Variants in C12orf54 observed in about 807,000 individuals in gnomAD.
C12orf54 encodes the protein chromosome 12 open reading frame 54.
A neutral mutation model predicts 26.4 loss-of-function variants in C12orf54; 24 were observed. The ratio of observed to expected loss-of-function variants is 0.91; its 90% confidence interval spans 0.66 to 1.28. The LOEUF (loss-of-function observed/expected upper bound fraction) is 1.28, where lower values mean the gene tolerates loss of function less well. Among genes scored for constraint, C12orf54 ranks in the 50% most tolerant of loss-of-function variants. The pLI is 0.00. For synonymous variants in C12orf54, 54 were observed against 47.0 expected, an observed-to-expected ratio of 1.15 and a Z score of -0.61; for missense variants, 154 against 150.9, an observed-to-expected ratio of 1.02 and a Z score of -0.11.
At chr12:48,460,214 G>T in the C12orf54 span, among the ~76,000 whole-genome samples, 1 of 151,406 alleles carries the variant, frequency 6.6e-6, no homozygotes, top group Non-Finnish European at 1.5e-5. Context: ...GATTTTGGGG[G>T]TCATACAGCC....
the C12orf54 span, among the ~76,000 whole-genome samples, chr12:48,437,151 A>C: frequency 6.6e-6 from 1 of 152,366 alleles, no homozygotes; most frequent in South Asian, 2.1e-4. Context: ...GAAAATCTAG[A>C]AGAAATGGAT....
the C12orf54 span, among the ~76,000 whole-genome samples, chr12:48,424,451 G>T: frequency 2.0e-5 from 3 of 151,946 alleles, no homozygotes; most frequent in Non-Finnish European, 4.4e-5. Flanking sequence ...TTCACCACAA[G>T]GCCATCCGGA....
chr12:48,480,832 T>C (rs1300540567), upstream of C12orf54, among the ~76,000 whole-genome samples: 2 of 152,126 alleles, frequency 1.3e-5, no homozygotes, highest in Non-Finnish European at 2.9e-5. Context: ...ATGGATGGGA[T>C]AAAGTGTGGT....
chr12:48,484,338 G>T lies in C12orf54; in HGVS notation c.65+977G>T, dbSNP rs1032719183. ...TGAATCTGGAGGAAGTTGGGAATCTGCTCTATCTAAGAGTATGAATTCTCT... is the reference window on the plus strand; with the variant it reads ...TGAATCTGGAGGAAGTTGGGAATCTTCTCTATCTAAGAGTATGAATTCTCT... On this transcript the variant is annotated intron_variant, in intron 2 of 8. Transcript: ENST00000548364. Among the ~76,000 whole-genome samples, 4 of 152,196 alleles carry T rather than the reference G, an allele frequency of 2.6e-5. No homozygotes were observed. In the East Asian group the frequency reaches 7.7e-4, roughly 29 times the overall value.
chr12:48,449,662 A>T, the C12orf54 span, among the ~76,000 whole-genome samples: 2 of 152,216 alleles, frequency 1.3e-5, no homozygotes, highest in East Asian at 3.8e-4. Context: ...AATAAATAAG[A>T]GTTGAATTTA....
chr12:48,424,229 A>G, the C12orf54 span, among the ~76,000 whole-genome samples: 2 of 152,072 alleles, frequency 1.3e-5, no homozygotes, highest in Admixed American at 6.6e-5. Context: ...TGATTTAAAT[A>G]TTGCTGGATT....
the C12orf54 span, among the ~76,000 whole-genome samples, chr12:48,431,715 A>G: frequency 6.6e-6 from 1 of 152,210 alleles, no homozygotes; most frequent in East Asian, 1.9e-4. Context: ...AAATACAAAG[A>G]TGAATGAAAG....
the C12orf54 span, among the ~76,000 whole-genome samples, chr12:48,437,061 A>G: frequency 6.6e-6 from 1 of 152,132 alleles, no homozygotes; most frequent in East Asian, 1.9e-4. Context: ...AAAAATGACA[A>G]AGGGGATATC....
At chr12:48,414,835 C>G in the C12orf54 span, among the ~76,000 whole-genome samples, 1 of 152,168 alleles carries the variant, frequency 6.6e-6, no homozygotes, top group African/African-American at 2.4e-5. Flanking sequence ...TAGCCAGGGA[C>G]CAGCGTGGGG....
the C12orf54 span, among the ~76,000 whole-genome samples, chr12:48,423,140 T>C: frequency 5.9e-5 from 9 of 152,156 alleles, no homozygotes; most frequent in African/African-American, 1.7e-4. Context: ...TTCTGAGTTG[T>C]TTTTGTTTTA....
chr12:48,458,660 C>T, the C12orf54 span, among the ~76,000 whole-genome samples: 4 of 152,006 alleles, frequency 2.6e-5, no homozygotes, highest in African/African-American at 9.7e-5. Context: ...TTAGTGTTAC[C>T]ATCAACATCA....
chr12:48,429,604 A>T, the C12orf54 span, among the ~76,000 whole-genome samples: 2 of 152,150 alleles, frequency 1.3e-5, no homozygotes, highest in Admixed American at 1.3e-4. Context: ...AATATACCTA[A>T]CCAAGAAGGT....
chr12:48,464,537 C>T, the C12orf54 span, among the ~76,000 whole-genome samples: 1 of 152,072 alleles, frequency 6.6e-6, no homozygotes, highest in Non-Finnish European at 1.5e-5. Context: ...ATTAAACTTC[C>T]AATGACATTC....
rs967592191 is a variant in C12orf54 at position 48,492,935 on chromosome 12, T to C, written c.194-12T>C. 4 of 1,613,204 alleles carry C rather than the reference T, an allele frequency of 2.5e-6. No homozygotes were observed. In the African/African-American group the frequency reaches 5.3e-5, roughly 22 times the overall value. ...CCTGTAACAGAATGACTCTTCTCTG[T>C]GTCCACTTTAGGGATGAGCAACTGC... On this transcript the variant is annotated splice_polypyrimidine_tract_variant and intron_variant, in intron 6 of 8. Transcript: ENST00000548364.
the C12orf54 span, among the ~76,000 whole-genome samples, chr12:48,429,148 G>A: frequency 0.017 from 2,655 of 152,070 alleles, 88 homozygotes; most frequent in African/African-American, 0.06. Flanking sequence ...CAGCAAAATC[G>A]GCATACAAGG....
At chr12:48,477,382 G>C in the C12orf54 span, among the ~76,000 whole-genome samples, 35 of 152,178 alleles carry the variant, frequency 2.3e-4, no homozygotes, top group East Asian at 9.6e-4. Flanking sequence ...CAGAAGGCAA[G>C]AAATAACAAA....
upstream of C12orf54, among the ~76,000 whole-genome samples, chr12:48,477,595 A>T (rs756728757): frequency 2.0e-5 from 3 of 152,210 alleles, no homozygotes; most frequent in Non-Finnish European, 4.4e-5. Context: ...AGTACAAACT[A>T]CCATCAGAGA....
the C12orf54 span, among the ~76,000 whole-genome samples, chr12:48,417,534 C>T: frequency 6.6e-6 from 1 of 152,158 alleles, no homozygotes; most frequent in Non-Finnish European, 1.5e-5. Context: ...ATACCCTCAA[C>T]CTTAGTCCAG....
chr12:48,414,599 C>T, the C12orf54 span, among the ~76,000 whole-genome samples: 1 of 152,194 alleles, frequency 6.6e-6, no homozygotes, highest in Non-Finnish European at 1.5e-5. Context: ...TGACTTTCTT[C>T]ATTTTTTCTA....
Sources: allele counts gnomAD v4.1 joint callset (sites outside exome capture counted in the v4.1 genomes callset), GRCh38; gene constraint gnomAD v4.1.1; transcripts MANE v1.5; gene names NCBI Gene and HGNC (gene_info 2026-07-23, HGNC 2026-07-21).